Variants in WWOX observed in about 807,000 individuals in gnomAD.
The protein encoded by WWOX is WW domain-containing oxidoreductase.
In WWOX, 69 loss-of-function variants were observed where a neutral mutation model predicts 46.2. That is an observed-to-expected ratio of 1.49 (90% CI 1.23 to 1.82). WWOX has a LOEUF of 1.82. Ranked by LOEUF, WWOX falls within the 40% of genes most tolerant of loss-of-function variation. The pLI is 0.00. For missense variants in WWOX, 919 were observed against 542.6 expected, an observed-to-expected ratio of 1.69 and a Z score of -6.89; for synonymous variants, 359 against 202.6, an observed-to-expected ratio of 1.77 and a Z score of -6.56.
chr16:78,370,414 C>G (rs1004202326), intron 5 of WWOX, among the ~76,000 whole-genome samples: 2 of 151,868 alleles, frequency 1.3e-5, no homozygotes, highest in Admixed American at 1.3e-4. Flanking sequence ...GGATAAATAT[C>G]AAATTCAAAA....
intron 5 of WWOX, among the ~76,000 whole-genome samples, chr16:78,216,258 C>A (rs768871273): frequency 6.6e-6 from 1 of 152,124 alleles, no homozygotes; most frequent in Non-Finnish European, 1.5e-5. Context: ...TTATAATCCC[C>A]AGAGCCTGGC....
At chr16:78,301,297 G>C (rs2080037163) in intron 5 of WWOX, among the ~76,000 whole-genome samples, 1 of 152,110 alleles carries the variant, frequency 6.6e-6, no homozygotes, top group African/African-American at 2.4e-5. Context: ...ATTTGGTATT[G>C]TATCTTATTA....
intron 8 of WWOX, among the ~76,000 whole-genome samples, chr16:78,442,267 G>C (rs753626468): frequency 2.0e-5 from 3 of 152,042 alleles, no homozygotes; most frequent in Non-Finnish European, 2.9e-5. Context: ...ATCATTTTTT[G>C]TGTGTGGCAA....
intron 8 of WWOX, among the ~76,000 whole-genome samples, chr16:78,438,128 T>C (rs1444797146): frequency 1.3e-5 from 2 of 152,216 alleles, no homozygotes; most frequent in Non-Finnish European, 2.9e-5. Context: ...AGATTGACCA[T>C]TTTCCCAGAT....
intron 5 of WWOX, among the ~76,000 whole-genome samples, chr16:78,227,752 C>T (rs1440755559): frequency 2.6e-5 from 4 of 152,070 alleles, no homozygotes; most frequent in African/African-American, 4.8e-5. Flanking sequence ...TGGCGCAAAC[C>T]TGTAATCCCA....
At chr16:78,356,123 G>A (rs1349880398) in intron 5 of WWOX, among the ~76,000 whole-genome samples, 1 of 12,870 alleles carries the variant, frequency 7.8e-5, no homozygotes, top group African/African-American at 1.0e-3. Flanking sequence ...GGAGGTGGAG[G>A]TTGCAGTGAG....
intron 8 of WWOX, among the ~76,000 whole-genome samples, chr16:79,152,572 G>A (rs1044341935): frequency 6.6e-6 from 1 of 151,960 alleles, no homozygotes; most frequent in Non-Finnish European, 1.5e-5. Flanking sequence ...TCGGGAGGTT[G>A]AGGCAGGAGA....
chr16:78,216,741 T>G (rs2036734886), intron 5 of WWOX, among the ~76,000 whole-genome samples: 1 of 151,978 alleles, frequency 6.6e-6, no homozygotes, highest in Non-Finnish European at 1.5e-5. Context: ...TTATTTTTAT[T>G]TTATTTGTGA....
At chr16:78,721,876 G>A (rs560060766) in intron 8 of WWOX, among the ~76,000 whole-genome samples, 38 of 152,354 alleles carry the variant, frequency 2.5e-4, no homozygotes, top group Admixed American at 7.2e-4. Flanking sequence ...GCACACGTGC[G>A]TAGGAGCTGG....
intron 8 of WWOX, among the ~76,000 whole-genome samples, chr16:78,870,370 A>ATC (rs2044100312): frequency 6.6e-6 from 1 of 152,188 alleles, no homozygotes; most frequent in Non-Finnish European, 1.5e-5. Flanking sequence ...ATTAAAGGAC[A>ATC]TCTCCCCTGA....
At chr16:79,060,372 T>G (rs1223090352) in intron 8 of WWOX, among the ~76,000 whole-genome samples, 1 of 152,268 alleles carries the variant, frequency 6.6e-6, no homozygotes, top group Non-Finnish European at 1.5e-5. Flanking sequence ...CACTGGCCGT[T>G]AATTGGTAAG....
At chr16:78,966,698 C>T (rs1034230745) in intron 8 of WWOX, among the ~76,000 whole-genome samples, 2 of 152,218 alleles carry the variant, frequency 1.3e-5, no homozygotes, top group Admixed American at 6.5e-5. Context: ...AAAGGGTGCA[C>T]ACTGTTTAAA....
intron 5 of WWOX, among the ~76,000 whole-genome samples, chr16:78,264,225 T>G (rs2079313027): frequency 6.6e-6 from 1 of 151,882 alleles, no homozygotes; most frequent in South Asian, 2.1e-4. Flanking sequence ...CAAGATAACA[T>G]TTCTCCTGGT....
intron 8 of WWOX, among the ~76,000 whole-genome samples, chr16:79,089,899 T>C (rs1026371554): frequency 1.4e-5 from 2 of 146,478 alleles, no homozygotes; most frequent in African/African-American, 5.1e-5. Flanking sequence ...CTTGGGTGCC[T>C]GAGAAAAAGA....
At chr16:78,508,730 G>A (rs1029733403) in intron 8 of WWOX, among the ~76,000 whole-genome samples, 25 of 152,172 alleles carry the variant, frequency 1.6e-4, no homozygotes, top group African/African-American at 5.5e-4. Context: ...GAAGCAGAGC[G>A]TGAATGCCGG....
At chr16:78,215,411 C>T (rs908791675) in intron 5 of WWOX, among the ~76,000 whole-genome samples, 7 of 152,146 alleles carry the variant, frequency 4.6e-5, no homozygotes, top group African/African-American at 1.2e-4. Flanking sequence ...CGTGATAGCA[C>T]GTGAGTTCTC....
intron 8 of WWOX, among the ~76,000 whole-genome samples, chr16:78,492,301 ATTT>A (rs149671983): frequency 0.019 from 2,920 of 152,202 alleles, 91 homozygotes; most frequent in African/African-American, 0.067. Flanking sequence ...AAACTGTATA[ATTT>A]TTTTCTTCTT....
At chr16:78,998,366 T>C (rs1428295460) in intron 8 of WWOX, among the ~76,000 whole-genome samples, 1 of 152,138 alleles carries the variant, frequency 6.6e-6, no homozygotes, top group African/African-American at 2.4e-5. Flanking sequence ...TTTTCACGCT[T>C]TGTACTCGGG....
chr16:79,142,563 T>TA (rs1222045667), intron 8 of WWOX, among the ~76,000 whole-genome samples: 1 of 152,202 alleles, frequency 6.6e-6, no homozygotes, highest in Non-Finnish European at 1.5e-5. Flanking sequence ...TAATTGTTAT[T>TA]AGAGAGAATT....
Sources: gnomAD v4.1 joint callset for allele counts (sites outside exome capture counted in the v4.1 genomes callset) on GRCh38, gnomAD v4.1.1 for gene constraint, MANE v1.5 for transcripts, NCBI Gene and HGNC (gene_info 2026-07-23, HGNC 2026-07-21) for gene names.